SLC1A7: variants seen among roughly 807,000 people sequenced by gnomAD.
SLC1A7 encodes excitatory amino acid transporter 5.
Under a neutral mutation model 47.7 loss-of-function variants are expected in SLC1A7, and 40 were observed. The ratio of observed to expected loss-of-function variants is 0.84; its 90% CI spans 0.65 to 1.09. The LOEUF is 1.09. Among genes scored for constraint, SLC1A7 ranks in the 50% least tolerant of loss-of-function variants. The pLI, the probability that SLC1A7 is intolerant of heterozygous loss-of-function variation, is 0.00. For synonymous variants in SLC1A7, 323 were observed against 325.6 expected (o/e 0.99, Z 0.09); for missense variants, 746 against 769.5 (o/e 0.97, Z 0.36).
intron 2 of SLC1A7, among the ~76,000 whole-genome samples, chr1:53,117,768 A>T (rs1447269714): frequency 1.3e-5 from 2 of 152,238 alleles, no homozygotes; most frequent in African/African-American, 4.8e-5. Context: ...GAAGAGGCCT[A>T]ACACGGGGGT....
rs763080714 is a variant in SLC1A7, at chr1:53,103,476, C to T, written c.567G>A (p.Glu189=). ...PRRILIYGVQ[E]ENGSHVQNFA... ...AGTTCTGCACATGGGAGCCATTCTC[C>T]TCCTGGACCCCGTAGATGAGGATCC... The change falls in exon 5 of 11, where the codon GAG becomes GAA. Residue 189 remains glutamate (E), a synonymous_variant. Coordinates refer to ENST00000371494, the MANE Select transcript of SLC1A7 (RefSeq NM_006671.6). 8.8e-5 allele frequency: 142 copies of T among 1,613,246 alleles called. 1 individual carries two copies. Among genetic ancestry groups the T allele is most frequent in the Admixed American group, 6.8e-4 (41 of 59,934 alleles).
At chr1:53,140,841 G>C (rs930544510) in intron 1 of SLC1A7, among the ~76,000 whole-genome samples, 1 of 152,180 alleles carries the variant, frequency 6.6e-6, no homozygotes, top group African/African-American at 2.4e-5. Context: ...GGGTTTCTCT[G>C]CCTCCAGAGT....
At chr1:53,132,838 C>T (rs1644955007) in intron 2 of SLC1A7, among the ~76,000 whole-genome samples, 1 of 152,090 alleles carries the variant, frequency 6.6e-6, no homozygotes, top group Non-Finnish European at 1.5e-5. Context: ...AGGGCAAGAT[C>T]CTATCTCAAA....
At chr1:53,101,852 ACG>A (rs1205941446) in intron 5 of SLC1A7, among the ~76,000 whole-genome samples, 5 of 128,046 alleles carry the variant, frequency 3.9e-5, no homozygotes, top group African/African-American at 1.6e-4. Context: ...GTACACTCAC[ACG>A]CCCGCCTCGG....
At chr1:53,090,378 G>A (rs1644406564) in intron 8 of SLC1A7, 3 of 622,882 alleles carry the variant, frequency 4.8e-6, no homozygotes, top group South Asian at 2.4e-5. Flanking sequence ...CCACACGGGC[G>A]GCCTCTCCAA....
At chr1:53,123,855 A>G (rs182496348) in intron 2 of SLC1A7, among the ~76,000 whole-genome samples, 6 of 152,336 alleles carry the variant, frequency 3.9e-5, no homozygotes, top group Non-Finnish European at 8.8e-5. Context: ...AGAAGGGCCA[A>G]AGGCAGGTCC....
Position 53,127,621 on chromosome 1 carries a change from TC to T in SLC1A7, c.215+6728del, listed in dbSNP as rs111734703. ...GAACACAACAAGGTGGTGGGATGTC[TC>T]CCTGTGGTTATGTGGTAGAAGACTT... On this transcript the variant is annotated intron_variant, in intron 2 of 10. Transcript: ENST00000371494. Among the ~76,000 whole-genome samples, 75 of 152,294 alleles carry T rather than the reference TC, an allele frequency of 4.9e-4. 1 individual carries two copies. The highest frequency in any genetic ancestry group is 1.7e-3 in the African/African-American group (72 of 41,568).
chr1:53,122,701 C>T (rs905832688), intron 2 of SLC1A7, among the ~76,000 whole-genome samples: 3 of 152,152 alleles, frequency 2.0e-5, no homozygotes, highest in Non-Finnish European at 4.4e-5. Context: ...GCAGAAATTC[C>T]TCCACCACCT....
intron 6 of SLC1A7, among the ~76,000 whole-genome samples, chr1:53,093,201 A>G (rs577653375): frequency 2.4e-4 from 37 of 152,270 alleles, no homozygotes; most frequent in Admixed American, 4.6e-4. Flanking sequence ...GCTCCATGTG[A>G]TGGAGAAACT....
chr1:53,096,743 C>T (rs547853386), intron 5 of SLC1A7, among the ~76,000 whole-genome samples: 2 of 151,690 alleles, frequency 1.3e-5, no homozygotes, highest in African/African-American at 4.8e-5. Context: ...CGCCTTGATA[C>T]ATTCACACAC....
intron 1 of SLC1A7, among the ~76,000 whole-genome samples, chr1:53,134,873 T>C (rs1282764390): frequency 1.3e-5 from 2 of 152,140 alleles, no homozygotes; most frequent in Non-Finnish European, 2.9e-5. Flanking sequence ...TAACAGTAAC[T>C]AATAATCAAA....
At chr1:53,097,792 ACCGCCTCAGTACACTCACACACT>A (rs1278761338) in intron 5 of SLC1A7, among the ~76,000 whole-genome samples, 10 of 126,550 alleles carry the variant, frequency 7.9e-5, no homozygotes, top group African/African-American at 3.3e-4. Context: ...ACTCACACAC[ACCGCCTCAGTACACTCACACACT>A]CCGCCTCAGT....
At chr1:53,104,779 G>A (rs1294598266) in intron 4 of SLC1A7, among the ~76,000 whole-genome samples, 1 of 152,222 alleles carries the variant, frequency 6.6e-6, no homozygotes, top group Non-Finnish European at 1.5e-5. Flanking sequence ...GCCCAGGAAA[G>A]GGGTTCAGGA....
intron 2 of SLC1A7, among the ~76,000 whole-genome samples, chr1:53,125,209 TA>T (rs1644869442): frequency 1.3e-5 from 2 of 152,228 alleles, no homozygotes; most frequent in East Asian, 3.9e-4. Flanking sequence ...GTTCCTATAC[TA>T]ATGTAATGTG....
Position 53,087,634 on chromosome 1 carries a change from T to G in SLC1A7, c.*375A>C. On this transcript the variant is annotated 3_prime_UTR_variant, in exon 11 of 11. Transcript: ENST00000371494. ...AAGAGGAGAGGCGGGGCTTGAAAGA[T>G]TTGAGTTAGTGTCTTGACCTTAACG... is the stretch of plus-strand genomic sequence containing the variant. 6.3e-6 allele frequency: 1 copy of G among 159,798 alleles called. No individual in the cohort carries two copies. Among genetic ancestry groups the G allele is most frequent in the Non-Finnish European group, 1.4e-5 (1 of 73,162 alleles). The allele number at this position is 159,798 out of a possible 1,614,324, so 9.9% of individuals were successfully genotyped here.
At chr1:53,108,655 CT>C (rs1369972749) in intron 3 of SLC1A7, 1 of 717,662 alleles carries the variant, frequency 1.4e-6, no homozygotes, top group East Asian at 2.7e-5. Flanking sequence ...GGGATAATAG[CT>C]AGAGCTTGAG....
chr1:53,095,913 G>A (rs899356488), intron 5 of SLC1A7, among the ~76,000 whole-genome samples: 20 of 141,322 alleles, frequency 1.4e-4, no homozygotes, highest in Non-Finnish European at 2.0e-4. Context: ...CACACAACCC[G>A]CCTCGGTACA....
intron 5 of SLC1A7, among the ~76,000 whole-genome samples, chr1:53,101,045 C>G (rs918079948): frequency 2.6e-5 from 4 of 151,576 alleles, no homozygotes; most frequent in Non-Finnish European, 5.9e-5. Flanking sequence ...TTGGTACATT[C>G]ACAAAACCCG....
chr1:53,105,916 C>T, intron 3 of SLC1A7, 142 bp from the exon 4 acceptor site: 2 of 699,358 alleles, frequency 2.9e-6, no homozygotes, highest in Non-Finnish European at 5.1e-6. Flanking sequence ...TCACCCACTA[C>T]ATCATGGACA....
Sources: allele counts gnomAD v4.1 joint callset (sites outside exome capture counted in the v4.1 genomes callset), GRCh38; gene constraint gnomAD v4.1.1; transcripts MANE v1.5; gene names NCBI Gene and HGNC (gene_info 2026-07-23, HGNC 2026-07-21).